Variants in PLXDC1 observed in about 807,000 individuals in gnomAD.
The protein encoded by PLXDC1 is plexin domain-containing protein 1.
Under a neutral mutation model 61.3 loss-of-function variants are expected in PLXDC1, and 39 were observed. The ratio of observed to expected loss-of-function variants is 0.64; its 90% CI spans 0.49 to 0.83. The LOEUF (loss-of-function observed/expected upper bound fraction) is 0.83, where lower values mean the gene tolerates loss of function less well. Among genes scored for constraint, PLXDC1 ranks in the 40% least tolerant of loss-of-function variants. The pLI is 0.00. For synonymous variants in PLXDC1, 212 were observed against 254.5 expected, an observed-to-expected ratio of 0.83 and a Z score of 1.59; for missense variants, 596 against 666.5, an observed-to-expected ratio of 0.89 and a Z score of 1.17.
At chr17:39,099,570 G>A (rs1041535653) in intron 7 of PLXDC1, among the ~76,000 whole-genome samples, 5 of 152,138 alleles carry the variant, frequency 3.3e-5, no homozygotes, top group Admixed American at 2.6e-4. Flanking sequence ...GGGAGCTGAG[G>A]AGGAAAAGAT....
At position 39,066,230 on chromosome 17, in the gene PLXDC1, C is replaced by T. The variant is rs12453595; in HGVS notation, c.*1610G>A. 0.23 allele frequency: 34,435 copies of T among 152,196 alleles called. 4,829 individuals are homozygous for T. Among genetic ancestry groups the T allele is most frequent in the Admixed American group, 0.4 (6,100 of 15,270 alleles). The allele number at this position is 152,196 out of a possible 1,614,324, so 9.4% of individuals were successfully genotyped here. ...GGCAGTGAGTAAACCCGGCACCGAA[C>T]AGGCCATCAGAATAGGGAGCCCCAC... On this transcript the variant is annotated 3_prime_UTR_variant, in exon 14 of 14. Transcript: ENST00000315392.
In PLXDC1 at chr17:39,064,372, A is replaced by G. The variant is rs1175305694; in HGVS notation, c.*3468T>C. 2 of 152,152 alleles carry G rather than the reference A, an allele frequency of 1.3e-5. No individual in the cohort carries two copies. Among genetic ancestry groups the G allele is most frequent in the Admixed American group, 6.6e-5 (1 of 15,264 alleles). 9.4% of individuals were successfully genotyped at this position (152,152 alleles called of 1,614,324 possible). A position where few individuals can be genotyped will look rare whatever the true frequency, so the allele number is the denominator to read the frequency against. ...GACCTTGACTTGGAAAGTTGCCACC[A>G]ACTCCCCAGCTCTGTGAGAAGTTTT... On this transcript the variant is annotated 3_prime_UTR_variant, in exon 14 of 14. Transcript: ENST00000315392.
chr17:39,075,484 T>G (rs538023911), intron 11 of PLXDC1, among the ~76,000 whole-genome samples: 4 of 152,358 alleles, frequency 2.6e-5, no homozygotes, highest in African/African-American at 7.2e-5. Context: ...TCTCTGCTTT[T>G]GGAGCTAGAT....
intron 2 of PLXDC1, among the ~76,000 whole-genome samples, chr17:39,135,834 A>C (rs1911733729): frequency 6.6e-6 from 1 of 152,212 alleles, no homozygotes. Flanking sequence ...GAACCAGTCC[A>C]TCCAGGGTGG....
intron 11 of PLXDC1, among the ~76,000 whole-genome samples, chr17:39,076,077 GAAAAAAAAAAAAAGAAAA>G (rs753760641): frequency 1.2e-5 from 1 of 82,376 alleles, no homozygotes; most frequent in African/African-American, 5.4e-5. Flanking sequence ...GACTAAGTCT[GAAAAAAAAAAAAAGAAAA>G]AAAAAAAAAG....
intron 5 of PLXDC1, 28 bp from the exon 6 acceptor site, chr17:39,107,553 G>A: frequency 6.6e-7 from 1 of 1,508,626 alleles, no homozygotes; most frequent in Non-Finnish European, 9.2e-7. Flanking sequence ...GACCCGGCTG[G>A]ACGGGAGATC....
At position 39,063,344 on chromosome 17, in the gene PLXDC1, C is replaced by T; in HGVS notation, c.*4496G>A. ...CTCAGATTTATTGTATGTCCTCAGA[C>T]AGTAGATAAAAATGCATGGGGTTTA... On this transcript the variant is annotated 3_prime_UTR_variant, in exon 14 of 14. Coordinates refer to ENST00000315392, the MANE Select transcript of PLXDC1 (RefSeq NM_020405.5). The T allele has an allele frequency of 1.6e-6, 1 of 638,036 alleles. No individual in the cohort carries two copies. The highest frequency in any genetic ancestry group is 2.8e-6 in the Non-Finnish European group (1 of 357,306). The allele number at this position is 638,036 out of a possible 1,614,324, so 39.5% of individuals were successfully genotyped here. A position where few individuals can be genotyped will look rare whatever the true frequency, so the allele number is the denominator to read the frequency against.
intron 8 of PLXDC1, among the ~76,000 whole-genome samples, chr17:39,086,023 T>C (rs904209656): frequency 3.9e-5 from 6 of 152,160 alleles, no homozygotes; most frequent in African/African-American, 1.2e-4. Context: ...TGAATGCTAT[T>C]AAATGCTCAC....
intron 7 of PLXDC1, among the ~76,000 whole-genome samples, chr17:39,092,679 A>G (rs1052984877): frequency 1.3e-5 from 2 of 152,192 alleles, no homozygotes; most frequent in Non-Finnish European, 2.9e-5. Flanking sequence ...AGGGGACGTT[A>G]TTTGCCCAAA....
intron 10 of PLXDC1, among the ~76,000 whole-genome samples, chr17:39,078,567 C>T (rs1818513295): frequency 6.6e-6 from 1 of 152,210 alleles, no homozygotes. Flanking sequence ...GATGAATAGA[C>T]CCATCTATGT....
chr17:39,089,826 C>T (rs1598191225), intron 7 of PLXDC1, among the ~76,000 whole-genome samples: 1 of 152,104 alleles, frequency 6.6e-6, no homozygotes, highest in East Asian at 1.9e-4. Context: ...GAGACTGAGT[C>T]TCGCTCTGTC....
At chr17:39,116,775 A>G (rs1388416453) in intron 2 of PLXDC1, among the ~76,000 whole-genome samples, 4 of 152,254 alleles carry the variant, frequency 2.6e-5, no homozygotes, top group Admixed American at 6.5e-5. Flanking sequence ...TCCTCGTGTC[A>G]TCAGGACATT....
rs1168421814 is a variant in PLXDC1 at position 39,095,383 on chromosome 17, CCCCCAA to C, written c.812-7687_812-7682del. On this transcript the variant is annotated intron_variant, in intron 7 of 13. Coordinates refer to ENST00000315392, the MANE Select transcript of PLXDC1 (RefSeq NM_020405.5). ...TTACGCCCCGCCCCCCCCCCCCAAC[CCCCCAA>C]GCCTGGGTTATTTGTTTTGGATTGT... 1.6e-3 allele frequency among the ~76,000 whole-genome samples: 43 copies of C among 27,638 alleles called. 8 individuals carry two copies. Among genetic ancestry groups the C allele is most frequent in the African/African-American group, 2.1e-3 (14 of 6,648 alleles). 18.1% of individuals were successfully genotyped at this position (27,638 alleles called of 152,430 possible). A position where few individuals can be genotyped will look rare whatever the true frequency, so the allele number is the denominator to read the frequency against.
intron 2 of PLXDC1, among the ~76,000 whole-genome samples, chr17:39,110,025 C>T (rs954860735): frequency 4.9e-4 from 75 of 152,278 alleles, no homozygotes; most frequent in African/African-American, 1.6e-3. Context: ...CGCCTGTAAT[C>T]CCAGCTACTT....
intron 7 of PLXDC1, among the ~76,000 whole-genome samples, chr17:39,100,890 G>T (rs927654066): frequency 6.6e-6 from 1 of 152,210 alleles, no homozygotes; most frequent in Non-Finnish European, 1.5e-5. Flanking sequence ...GGTCGTGGGA[G>T]GTACGAGGGG....
At chr17:39,070,100 T>C in intron 12 of PLXDC1, 84 bp from the exon 13 acceptor site, 1 of 1,054,610 alleles carries the variant, frequency 9.5e-7, no homozygotes, top group Non-Finnish European at 1.4e-6. Context: ...TAACAAAGTC[T>C]CAGAGATGAA....
chr17:39,129,741 G>GAAAGAAAGAAAGAAAGAAAGAAA (rs1168985590), intron 2 of PLXDC1, among the ~76,000 whole-genome samples: 2 of 39,544 alleles, frequency 5.1e-5, no homozygotes, highest in Admixed American at 1.8e-4. Context: ...AAGAAAGAAA[G>GAAAGAAAGAAAGAAAGAAAGAAA]GAAAGAAAAG....
rs11870664 is a variant in PLXDC1 at position 39,099,506 on chromosome 17, C to G, written c.811+6348G>C. 7.2e-3 allele frequency among the ~76,000 whole-genome samples: 1,090 copies of G among 152,182 alleles called. 20 individuals are homozygous for G. Among genetic ancestry groups the G allele is most frequent in the African/African-American group, 0.025 (1,052 of 41,490 alleles). On this transcript the variant is annotated intron_variant, in intron 7 of 13. Coordinates refer to ENST00000315392, the MANE Select transcript of PLXDC1 (RefSeq NM_020405.5). ...GGAAATAAGGCACAGACACCAAGAACAGTCCCAAGAAGCAGCCTGGGGAGT... is the reference window on the plus strand; with the variant it reads ...GGAAATAAGGCACAGACACCAAGAAGAGTCCCAAGAAGCAGCCTGGGGAGT...
chr17:39,108,400 G>A lies in PLXDC1; in HGVS notation c.470-155C>T, dbSNP rs939224868. The A allele has an allele frequency of 8.2e-6, 6 of 733,410 alleles. No individual in the cohort carries two copies. In the African/African-American group the frequency reaches 1.1e-4, roughly 13 times the overall value. The allele number at this position is 733,410 out of a possible 1,614,324, so 45.4% of individuals were successfully genotyped here. A position where few individuals can be genotyped will look rare whatever the true frequency, so the allele number is the denominator to read the frequency against. On this transcript the variant is annotated intron_variant, in intron 4 of 13. Coordinates refer to ENST00000315392, the MANE Select transcript of PLXDC1 (RefSeq NM_020405.5). ...TCCCCATCTGGCGGGCTCTGGGTCT[G>A]GTGTGTATGGAGCCAAAGGACCCCA...
Sources: allele counts gnomAD v4.1 joint callset (sites outside exome capture counted in the v4.1 genomes callset), GRCh38; gene constraint gnomAD v4.1.1; transcripts MANE v1.5; gene names NCBI Gene and HGNC (gene_info 2026-07-23, HGNC 2026-07-21).